SLIT2: variants seen among roughly 807,000 people sequenced by gnomAD.
SLIT2 encodes the protein slit homolog 2 protein.
In SLIT2, 41 loss-of-function variants were observed where a neutral mutation model predicts 185.7. The observed-to-expected ratio is 0.22, with a 90% CI of 0.17 to 0.29. The LOEUF (loss-of-function observed/expected upper bound fraction) is 0.29, where lower values mean the gene tolerates loss of function less well. Among genes scored for constraint, SLIT2 ranks in the 10% least tolerant of loss-of-function variants. SLIT2 has a pLI of 1.00. For missense variants in SLIT2, 1,571 were observed against 1,909.0 expected (o/e 0.82, Z 3.30); for synonymous variants, 693 against 680.2 (o/e 1.02, Z -0.29).
At chr4:20,440,118 G>A (rs941073453) in intron 4 of SLIT2, among the ~76,000 whole-genome samples, 7 of 152,028 alleles carry the variant, frequency 4.6e-5, no homozygotes, top group African/African-American at 9.7e-5. Flanking sequence ...GCAGTCTGCC[G>A]TATCTTTATA....
chr4:20,290,755 G>T (rs200772139), intron 4 of SLIT2, among the ~76,000 whole-genome samples: 34 of 141,694 alleles, frequency 2.4e-4, no homozygotes, highest in Non-Finnish European at 2.9e-4. Context: ...TGTTTTCATG[G>T]TTTTTTTTTT....
At chr4:20,473,410 C>G (rs1715774670) in intron 5 of SLIT2, among the ~76,000 whole-genome samples, 1 of 151,816 alleles carries the variant, frequency 6.6e-6, no homozygotes, top group Non-Finnish European at 1.5e-5. Context: ...TTTAGGTAAG[C>G]AAAAATATCA....
intron 4 of SLIT2, among the ~76,000 whole-genome samples, chr4:20,353,152 G>T (rs1722022390): frequency 6.6e-6 from 1 of 152,110 alleles, no homozygotes; most frequent in Admixed American, 6.5e-5. Context: ...GGTTTGTATT[G>T]ATTCAGATTG....
chr4:20,302,449 A>C (rs1717144433), intron 4 of SLIT2, among the ~76,000 whole-genome samples: 1 of 152,140 alleles, frequency 6.6e-6, no homozygotes, highest in Admixed American at 6.5e-5. Flanking sequence ...GGACAAGTTA[A>C]ATAAATCATA....
rs1374127684 is a variant in SLIT2 at position 20,252,214 on chromosome 4, TACG to T, written c.-1599_-1597del. Among the ~76,000 whole-genome samples, 3 of 152,188 alleles carry T rather than the reference TACG, an allele frequency of 2.0e-5. No individual in the cohort carries two copies. Among genetic ancestry groups the T allele is most frequent in the East Asian group, 3.9e-4 (2 of 5,108 alleles). On this transcript the variant is annotated 5_prime_UTR_variant, in exon 1 of 37. Transcript: ENST00000504154. ...GTCAGCCCCAGCGAACAACTCCAGT[TACG>T]ACAACAACCCACCTTCCTTCCAGAC...
At chr4:20,599,292 T>TGATA (rs1185668781) in intron 33 of SLIT2, among the ~76,000 whole-genome samples, 1 of 152,170 alleles carries the variant, frequency 6.6e-6, no homozygotes, top group East Asian at 1.9e-4. Flanking sequence ...AGAGCCCCTC[T>TGATA]GTTGGAACCC....
chr4:20,540,967 C>T (rs572246660), intron 19 of SLIT2, among the ~76,000 whole-genome samples: 1 of 152,224 alleles, frequency 6.6e-6, no homozygotes, highest in East Asian at 1.9e-4. Flanking sequence ...GAAACCTATT[C>T]TCTAGAGCAA....
At chr4:20,368,646 C>T (rs972347116) in intron 4 of SLIT2, among the ~76,000 whole-genome samples, 1 of 151,996 alleles carries the variant, frequency 6.6e-6, no homozygotes, top group Non-Finnish European at 1.5e-5. Context: ...CTAAGTAATT[C>T]TTATAATTTG....
chr4:20,317,008 A>G (rs1718652880), intron 4 of SLIT2, among the ~76,000 whole-genome samples: 1 of 151,296 alleles, frequency 6.6e-6, no homozygotes. Flanking sequence ...GTGGGAAAAA[A>G]ATGTGTGAAA....
rs572264572 is a variant in SLIT2, at chr4:20,620,088, G to C, written c.*1079G>C. The C allele has an allele frequency of 1.9e-4, 43 of 221,708 alleles. No individual in the cohort carries two copies. The highest frequency in any genetic ancestry group is 3.6e-4 in the Non-Finnish European group (40 of 110,136). The allele number at this position is 221,708 out of a possible 1,614,324, so 13.7% of individuals were successfully genotyped here. A position where few individuals can be genotyped will look rare whatever the true frequency, so the allele number is the denominator to read the frequency against. ...GAGAGAGGAAAACAGAAATCTGTAT[G>C]TGAGATGGTCATTGTACAGAAAGAA... On this transcript the variant is annotated 3_prime_UTR_variant, in exon 37 of 37. Coordinates refer to ENST00000504154, the MANE Select transcript of SLIT2 (RefSeq NM_004787.4).
At chr4:20,472,290 A>ATATATCTATATATATC (rs1560452875) in intron 5 of SLIT2, among the ~76,000 whole-genome samples, 1 of 29,024 alleles carries the variant, frequency 3.4e-5, no homozygotes, top group African/African-American at 2.7e-4. Flanking sequence ...ATATATAGAT[A>ATATATCTATATATATC]TATAGATATA....
chr4:20,613,021 G>A (rs369883926), intron 34 of SLIT2, among the ~76,000 whole-genome samples: 6 of 152,068 alleles, frequency 3.9e-5, no homozygotes, highest in African/African-American at 1.4e-4. Context: ...TGGCAAGGTT[G>A]TGGAGAAAAA....
Position 20,464,433 on chromosome 4 carries a change from C to G in SLIT2, c.396-3319C>G, listed in dbSNP as rs371194864. Among the ~76,000 whole-genome samples the G allele has an allele frequency of 3.3e-5, 5 of 152,234 alleles. No individual in the cohort carries two copies. The South Asian group carries it at 1.0e-3, about 32-fold the overall frequency. On this transcript the variant is annotated intron_variant, in intron 4 of 36. Transcript: ENST00000504154. ...GATTAATCTTCCAAAAAATCAACTC[C>G]AATCAAGCCATTTTCTTCCTCTGAA...
At chr4:20,261,602 T>C (rs1712484819) in intron 3 of SLIT2, among the ~76,000 whole-genome samples, 2 of 151,866 alleles carry the variant, frequency 1.3e-5, no homozygotes, top group Non-Finnish European at 2.9e-5. Flanking sequence ...AGGGTTCCAC[T>C]AGTGAAAACA....
intron 32 of SLIT2, among the ~76,000 whole-genome samples, chr4:20,597,333 G>GCTGGGATTACAGGCGTGAGC (rs1728067427): frequency 6.6e-6 from 1 of 152,082 alleles, no homozygotes; most frequent in Non-Finnish European, 1.5e-5. Context: ...CTCCCAAAGT[G>GCTGGGATTACAGGCGTGAGC]CTGGGATTAC....
At chr4:20,346,619 G>A (rs1240153494) in intron 4 of SLIT2, among the ~76,000 whole-genome samples, 1 of 152,294 alleles carries the variant, frequency 6.6e-6, no homozygotes, top group African/African-American at 2.4e-5. Context: ...ACAAGGTAAA[G>A]TCCCATGATA....
At chr4:20,373,934 A>C (rs1273550267) in intron 4 of SLIT2, among the ~76,000 whole-genome samples, 1 of 152,086 alleles carries the variant, frequency 6.6e-6, no homozygotes, top group East Asian at 1.9e-4. Flanking sequence ...CAGCTTATAG[A>C]AGAAAGATGT....
At chr4:20,463,515 ATGTGTGTGTGTG>A (rs375793654) in intron 4 of SLIT2, among the ~76,000 whole-genome samples, 2 of 112,340 alleles carry the variant, frequency 1.8e-5, no homozygotes, top group South Asian at 3.3e-4. Flanking sequence ...ATATCCATAT[ATGTGTGTGTGTG>A]TGTGTGTGTG....
chr4:20,536,294 A>T (rs1245108475), intron 18 of SLIT2, among the ~76,000 whole-genome samples: 1 of 152,086 alleles, frequency 6.6e-6, no homozygotes, highest in Non-Finnish European at 1.5e-5. Flanking sequence ...GGAGGCTCAC[A>T]CCTGTAATTC....
Sources: gnomAD v4.1 joint callset for allele counts (sites outside exome capture counted in the v4.1 genomes callset) on GRCh38, gnomAD v4.1.1 for gene constraint, MANE v1.5 for transcripts, NCBI Gene and HGNC (gene_info 2026-07-23, HGNC 2026-07-21) for gene names.